The following TASP1 variants were observed in gnomAD, a reference collection of about 807,000 sequenced individuals.
The protein encoded by TASP1 is taspase 1, also known as threonine aspartase 1.
Under a neutral mutation model 56.6 loss-of-function variants are expected in TASP1, and 16 were observed. The ratio of observed to expected loss-of-function variants is 0.28; its 90% CI spans 0.19 to 0.43. The LOEUF (loss-of-function observed/expected upper bound fraction) is 0.43, where lower values mean the gene tolerates loss of function less well. Ranked by LOEUF, TASP1 falls within the 20% of genes least tolerant of loss-of-function variation. The pLI is 1.00. For missense variants in TASP1, 393 were observed against 511.6 expected, an observed-to-expected ratio of 0.77 and a Z score of 2.24; for synonymous variants, 179 against 184.2, an observed-to-expected ratio of 0.97 and a Z score of 0.23.
At chr20:13,221,251 T>TCCTCCTCCTCCTCCTCCTCCTCCC in the TASP1 span, among the ~76,000 whole-genome samples, 1 of 120,546 alleles carries the variant, frequency 8.3e-6, no homozygotes, top group Non-Finnish European at 1.8e-5. Flanking sequence ...CTCCTCCTCC[T>TCCTCCTCCTCCTCCTCCTCCTCCC]CCTCCTCCTC....
chr20:13,443,628 G>A (rs1257703813), intron 11 of TASP1, among the ~76,000 whole-genome samples: 1 of 152,192 alleles, frequency 6.6e-6, no homozygotes, highest in Non-Finnish European at 1.5e-5. Flanking sequence ...CACTTAGGTT[G>A]TAAATCCAGA....
chr20:13,625,080 C>T (rs2048840522), intron 3 of TASP1, 105 bp downstream of exon 3: 1 of 794,096 alleles, frequency 1.3e-6, no homozygotes. Context: ...GTAGTCCAAA[C>T]TGGAAGACTG....
chr20:13,206,206 G>T, the TASP1 span, among the ~76,000 whole-genome samples: 1 of 152,152 alleles, frequency 6.6e-6, no homozygotes, highest in Non-Finnish European at 1.5e-5. Flanking sequence ...AGCATTCCTG[G>T]AGGTATCGCC....
intron 13 of TASP1, among the ~76,000 whole-genome samples, chr20:13,405,151 A>G (rs1024466373): frequency 6.6e-6 from 1 of 152,258 alleles, no homozygotes; most frequent in African/African-American, 2.4e-5. Context: ...ATCCCTAAAC[A>G]GACTGAAAGA....
At chr20:13,356,712 T>C in the TASP1 span, among the ~76,000 whole-genome samples, 2 of 152,184 alleles carry the variant, frequency 1.3e-5, no homozygotes, top group African/African-American at 4.8e-5. Flanking sequence ...TTTGCCCAGA[T>C]GAAATCCCCA....
the TASP1 span, among the ~76,000 whole-genome samples, chr20:13,151,991 A>T: frequency 6.0e-3 from 917 of 152,332 alleles, 8 homozygotes; most frequent in African/African-American, 0.021. Context: ...CTACTAAAAA[A>T]AAAAGATATA....
chr20:13,104,838 A>G, the TASP1 span, among the ~76,000 whole-genome samples: 1 of 152,258 alleles, frequency 6.6e-6, no homozygotes, highest in Admixed American at 6.5e-5. Flanking sequence ...ATCAACAAGA[A>G]CAGGTTTGTT....
chr20:13,588,369 T>G, intron 4 of TASP1, among the ~76,000 whole-genome samples: 1 of 150,602 alleles, frequency 6.6e-6, no homozygotes, highest in African/African-American at 2.5e-5. Flanking sequence ...AGGTCTAGAT[T>G]GGAAAAGAAG....
At chr20:13,580,094 C>T (rs551124515) in intron 6 of TASP1, among the ~76,000 whole-genome samples, 2 of 152,138 alleles carry the variant, frequency 1.3e-5, no homozygotes, top group African/African-American at 4.8e-5. Context: ...GTTGTGCAAA[C>T]ACAGAATTAC....
the TASP1 span, among the ~76,000 whole-genome samples, chr20:13,374,589 C>T: frequency 6.6e-6 from 1 of 152,138 alleles, no homozygotes. Flanking sequence ...ACCTTGTGAT[C>T]TGCCCGCCTC....
chr20:13,284,615 T>C, the TASP1 span, among the ~76,000 whole-genome samples: 2 of 152,210 alleles, frequency 1.3e-5, no homozygotes, highest in Non-Finnish European at 2.9e-5. Flanking sequence ...GTTCTGTTCT[T>C]TGAAGACATT....
intron 10 of TASP1, among the ~76,000 whole-genome samples, chr20:13,513,828 T>C (rs2044427798): frequency 6.6e-6 from 1 of 152,074 alleles, no homozygotes; most frequent in Admixed American, 6.6e-5. Flanking sequence ...ATACAAATGT[T>C]ATAATTCTGA....
chr20:13,376,223 T>C, the TASP1 span, among the ~76,000 whole-genome samples: 1 of 152,214 alleles, frequency 6.6e-6, no homozygotes, highest in East Asian at 1.9e-4. Context: ...TATGTTTAAG[T>C]GTATAATCCA....
chr20:13,299,324 C>T, the TASP1 span: 1 of 1,613,914 alleles, frequency 6.2e-7, no homozygotes, highest in Non-Finnish European at 8.5e-7. This position sits in a 1 kb window ranked among gnomAD's most constrained non-coding sequence, Gnocchi z 5.8. Context: ...AGGTGGACGT[C>T]CTGCCCTGGA....
At chr20:13,429,476 ATT>A (rs563660526) in intron 12 of TASP1, among the ~76,000 whole-genome samples, 2 of 148,966 alleles carry the variant, frequency 1.3e-5, no homozygotes, top group African/African-American at 4.9e-5. Flanking sequence ...TTTGTCAATT[ATT>A]TTTTTTTTTT....
chr20:13,295,669 G>A, the TASP1 span, among the ~76,000 whole-genome samples: 4 of 152,314 alleles, frequency 2.6e-5, no homozygotes, highest in South Asian at 8.3e-4. Flanking sequence ...ACTAGGCAGG[G>A]ACAGCTTTCA....
the TASP1 span, among the ~76,000 whole-genome samples, chr20:13,364,593 C>T: frequency 2.6e-5 from 4 of 152,060 alleles, no homozygotes; most frequent in African/African-American, 9.7e-5. Context: ...TGTGCCTGCC[C>T]GTAGGCCTAA....
chr20:13,439,220 A>G (rs969121898), intron 11 of TASP1, among the ~76,000 whole-genome samples: 10 of 152,330 alleles, frequency 6.6e-5, no homozygotes, highest in Non-Finnish European at 8.8e-5. Flanking sequence ...TGTTTACTGC[A>G]GCACTATTCA....
At chr20:13,310,865 T>C in the TASP1 span, among the ~76,000 whole-genome samples, 1 of 152,180 alleles carries the variant, frequency 6.6e-6, no homozygotes, top group Non-Finnish European at 1.5e-5. Context: ...TACAATAGGA[T>C]ATTACTTCAT....
Sources: gnomAD v4.1 joint callset for allele counts (sites outside exome capture counted in the v4.1 genomes callset) on GRCh38, gnomAD v4.1.1 for gene constraint, Gnocchi (gnomAD v3.1) non-coding constraint, MANE v1.5 for transcripts, NCBI Gene and HGNC (gene_info 2026-07-23, HGNC 2026-07-21) for gene names.